The following PPTC7 variants were observed in gnomAD, a reference collection of about 807,000 sequenced individuals.
PPTC7 encodes the protein protein phosphatase targeting COQ7.
Under a neutral mutation model 30.8 loss-of-function variants are expected in PPTC7, and 6 were observed. The ratio of observed to expected loss-of-function variants is 0.19; its 90% confidence interval spans 0.11 to 0.38. PPTC7 has a LOEUF of 0.38. PPTC7 is among the 10% of genes least tolerant of loss of function. The pLI, the probability that PPTC7 is intolerant of heterozygous loss-of-function variation, is 1.00. For synonymous variants in PPTC7, 163 were observed against 168.1 expected (o/e 0.97, Z 0.23); for missense variants, 218 against 404.8 (o/e 0.54, Z 3.96).
At chr12:110,550,763 T>A (rs118156007) in intron 2 of PPTC7, among the ~76,000 whole-genome samples, 3 of 152,312 alleles carry the variant, frequency 2.0e-5, no homozygotes, top group Non-Finnish European at 4.4e-5. Flanking sequence ...AGTTTTCTAA[T>A]ACAAGATTAT....
chr12:110,575,789 G>A (rs980308208), intron 1 of PPTC7, among the ~76,000 whole-genome samples: 2 of 152,024 alleles, frequency 1.3e-5, no homozygotes, highest in Admixed American at 6.6e-5. Context: ...GAGATAAACT[G>A]TAAGTTAGGA....
At chr12:110,574,426 A>T (rs2064569811) in intron 1 of PPTC7, among the ~76,000 whole-genome samples, 1 of 152,108 alleles carries the variant, frequency 6.6e-6, no homozygotes, top group South Asian at 2.1e-4. Context: ...ATATGAAACA[A>T]CTGGCTTAGA....
chr12:110,580,972 G>C (rs2135801263), intron 1 of PPTC7, among the ~76,000 whole-genome samples: 1 of 151,714 alleles, frequency 6.6e-6, no homozygotes, highest in South Asian at 2.1e-4. Context: ...GTCTGGTCTT[G>C]AACTCTTGAC....
intron 4 of PPTC7, among the ~76,000 whole-genome samples, chr12:110,538,703 G>A (rs551866450): frequency 6.6e-6 from 1 of 152,158 alleles, no homozygotes; most frequent in South Asian, 2.1e-4. Context: ...GATTCCTGTC[G>A]AGCTGTGAAA....
At chr12:110,572,710 C>T (rs2064548976) in intron 1 of PPTC7, among the ~76,000 whole-genome samples, 2 of 152,206 alleles carry the variant, frequency 1.3e-5, no homozygotes, top group Admixed American at 1.3e-4. Flanking sequence ...AGAACTTATT[C>T]ACCTCAAAAA....
At chr12:110,539,992 GA>G (rs2064245498) in intron 3 of PPTC7, 47 bp from the exon 4 acceptor site, 5 of 1,582,640 alleles carry the variant, frequency 3.2e-6, no homozygotes, top group Non-Finnish European at 4.3e-6. Context: ...GCCCTTTACA[GA>G]TGAGTTGAAA....
intron 5 of PPTC7, among the ~76,000 whole-genome samples, chr12:110,537,549 CAT>C (rs1192279951): frequency 3.3e-4 from 50 of 152,354 alleles, no homozygotes; most frequent in Middle Eastern, 3.4e-3. Context: ...AAATGTTTCA[CAT>C]GTCATAAAAT....
chr12:110,550,571 A>C (rs1460102834), intron 2 of PPTC7, among the ~76,000 whole-genome samples: 1 of 152,042 alleles, frequency 6.6e-6, no homozygotes, highest in Non-Finnish European at 1.5e-5. Flanking sequence ...ACTGGGAAGG[A>C]GGCCTTCTAG....
intron 1 of PPTC7, among the ~76,000 whole-genome samples, chr12:110,553,249 A>T (rs2064362467): frequency 6.6e-6 from 1 of 151,412 alleles, no homozygotes. Context: ...TCCTGGGTTC[A>T]AGGGATTCTC....
At chr12:110,537,551 T>C (rs572109797) in intron 5 of PPTC7, among the ~76,000 whole-genome samples, 4 of 152,142 alleles carry the variant, frequency 2.6e-5, no homozygotes, top group Admixed American at 6.5e-5. Flanking sequence ...ATGTTTCACA[T>C]GTCATAAAAT....
chr12:110,569,788 T>C (rs1324106821), intron 1 of PPTC7, among the ~76,000 whole-genome samples: 1 of 152,252 alleles, frequency 6.6e-6, no homozygotes, highest in Non-Finnish European at 1.5e-5. Flanking sequence ...CTTGTCCTTA[T>C]TGCACTGCCA....
intron 3 of PPTC7, among the ~76,000 whole-genome samples, chr12:110,540,192 T>C (rs1056071949): frequency 1.3e-5 from 2 of 152,186 alleles, no homozygotes; most frequent in Non-Finnish European, 1.5e-5. Context: ...GTCTGATGAT[T>C]AGTCACAAGT....
intron 1 of PPTC7, among the ~76,000 whole-genome samples, chr12:110,556,711 C>T (rs1377648848): frequency 6.6e-6 from 1 of 152,194 alleles, no homozygotes; most frequent in Non-Finnish European, 1.5e-5. Context: ...ACGTGGACCA[C>T]CACATTGTGC....
intron 1 of PPTC7, among the ~76,000 whole-genome samples, 163 bp from the exon 2 acceptor site, chr12:110,552,131 A>G (rs1193289478): frequency 6.6e-6 from 1 of 152,218 alleles, no homozygotes; most frequent in Admixed American, 6.5e-5. Flanking sequence ...TTCTACACTA[A>G]CACTCCTAAG....
intron 1 of PPTC7, among the ~76,000 whole-genome samples, chr12:110,567,574 T>C (rs148467329): frequency 1.3e-5 from 2 of 152,134 alleles, no homozygotes; most frequent in Non-Finnish European, 2.9e-5. Context: ...TCTGACCAAT[T>C]ATCACCAAGC....
At chr12:110,546,347 A>C (rs570425805) in intron 2 of PPTC7, 2 of 446,172 alleles carry the variant, frequency 4.5e-6, no homozygotes, top group African/African-American at 3.9e-5. Context: ...GACAGAAAGC[A>C]ATAAAAATGA....
intron 1 of PPTC7, among the ~76,000 whole-genome samples, chr12:110,569,996 GAACAAC>G (rs773658520): frequency 9.9e-5 from 15 of 152,066 alleles, no homozygotes; most frequent in African/African-American, 3.1e-4. Flanking sequence ...CAAGATCCTG[GAACAAC>G]AACAACAACA....
chr12:110,545,822 A>C (rs1179143494), intron 3 of PPTC7, 58 bp downstream of exon 3: 3 of 1,490,708 alleles, frequency 2.0e-6, no homozygotes, highest in Non-Finnish European at 2.8e-6. Context: ...GGGGGACAGG[A>C]GGGGACTATG....
chr12:110,569,288 ACAC>A (rs1565926334), intron 1 of PPTC7, among the ~76,000 whole-genome samples: 2 of 151,118 alleles, frequency 1.3e-5, no homozygotes, highest in Non-Finnish European at 2.9e-5. Flanking sequence ...AGCGGAGATC[ACAC>A]CACTGCCCTC....
Sources: allele counts gnomAD v4.1 joint callset (sites outside exome capture counted in the v4.1 genomes callset), GRCh38; gene constraint gnomAD v4.1.1; transcripts MANE v1.5; gene names NCBI Gene and HGNC (gene_info 2026-07-23, HGNC 2026-07-21).